WNT7A: variants seen among roughly 807,000 people sequenced by gnomAD.
The protein encoded by WNT7A is protein Wnt-7a.
WNT7A carries 16 observed loss-of-function variants against 28.2 expected under a neutral mutation model. That is an observed-to-expected ratio of 0.57 (90% confidence interval 0.38 to 0.86). The LOEUF (loss-of-function observed/expected upper bound fraction) is 0.86, where lower values mean the gene tolerates loss of function less well. Among genes scored for constraint, WNT7A ranks in the 40% least tolerant of loss-of-function variants. The probability of loss-of-function intolerance (pLI) is 0.00; values close to 1 mark genes in which losing one functional copy is unlikely to be tolerated. For missense variants in WNT7A, 411 were observed against 489.7 expected, an observed-to-expected ratio of 0.84 and a Z score of 1.52; for synonymous variants, 190 against 195.9, an observed-to-expected ratio of 0.97 and a Z score of 0.25.
chr3:13,868,117 G>C (rs1432607583), intron 2 of WNT7A, among the ~76,000 whole-genome samples: 2 of 152,154 alleles, frequency 1.3e-5, no homozygotes, highest in African/African-American at 4.8e-5. Flanking sequence ...GGGAGGGAGA[G>C]GCAGGGAAGA....
chr3:13,877,372 G>A (rs897411408), intron 1 of WNT7A, among the ~76,000 whole-genome samples: 6 of 152,252 alleles, frequency 3.9e-5, no homozygotes, highest in East Asian at 1.9e-4. Context: ...CGCTAAACCC[G>A]AGTCTAACAC....
chr3:13,866,566 G>C (rs1332455254), intron 2 of WNT7A, among the ~76,000 whole-genome samples: 4 of 152,216 alleles, frequency 2.6e-5, no homozygotes, highest in African/African-American at 9.6e-5. Flanking sequence ...ACACTAGAGA[G>C]GGGGTAATGA....
chr3:13,832,283 C>T (rs1229076879), intron 3 of WNT7A, among the ~76,000 whole-genome samples: 1 of 151,360 alleles, frequency 6.6e-6, no homozygotes, highest in Non-Finnish European at 1.5e-5. Context: ...CCTCCTCTTC[C>T]TCTGCAGGCT....
chr3:13,874,125 G>A (rs975125938), intron 2 of WNT7A, among the ~76,000 whole-genome samples: 13 of 152,206 alleles, frequency 8.5e-5, no homozygotes, highest in Non-Finnish European at 1.5e-4. Flanking sequence ...AGGAGGAGGC[G>A]GCAGGATACC....
At chr3:13,858,466 A>C (rs1694782436) in intron 2 of WNT7A, among the ~76,000 whole-genome samples, 1 of 152,126 alleles carries the variant, frequency 6.6e-6, no homozygotes, top group Non-Finnish European at 1.5e-5. Context: ...GATGGTGCAG[A>C]TGGTGAGAAA....
At chr3:13,869,545 AAAG>A in intron 2 of WNT7A, among the ~76,000 whole-genome samples, 1 of 150,178 alleles carries the variant, frequency 6.7e-6, no homozygotes, top group African/African-American at 2.4e-5. Flanking sequence ...AAGAAAGAAA[AAAG>A]AAAGAAAAGA....
Position 13,819,284 on chromosome 3 carries a change from T to G in WNT7A, c.710A>C (p.His237Pro), listed in dbSNP as rs1694072182. Reference sequence around the variant, plus strand: ...GCGGCTGGCACGCACAGGCTCCACGTGAACGGCCTCGTTGTACTTGTCCTT... The same window carrying G: ...GCGGCTGGCACGCACAGGCTCCACGGGAACGGCCTCGTTGTACTTGTCCTT... ...VLKDKYNEAV[H>P]VEPVRASRNK... The change falls in exon 4 of 4, where the codon CAC (histidine) becomes CCC (proline). Residue 237 changes from histidine to proline, a missense_variant. By Grantham distance (77) the His-to-Pro change is moderately conservative. Transcript: ENST00000285018. The G allele has an allele frequency of 6.2e-7, 1 of 1,614,174 alleles. No individual in the cohort carries two copies. The highest frequency in any genetic ancestry group is 8.5e-7 in the Non-Finnish European group (1 of 1,179,990).
intron 2 of WNT7A, among the ~76,000 whole-genome samples, chr3:13,859,187 C>A (rs1694791319): frequency 1.3e-5 from 2 of 152,208 alleles, no homozygotes; most frequent in South Asian, 4.1e-4. Flanking sequence ...GTATGTGAGG[C>A]TGATCCAGTG....
At chr3:13,844,971 C>T (rs9859297) in intron 3 of WNT7A, among the ~76,000 whole-genome samples, 3,117 of 152,294 alleles carry the variant, frequency 0.02, 116 homozygotes, top group African/African-American at 0.071. Flanking sequence ...CTCCCGAGGA[C>T]AAAGGCGGCA....
intron 1 of WNT7A, 96 bp from the exon 2 acceptor site, chr3:13,875,269 CCCCCA>C: frequency 2.3e-6 from 3 of 1,304,302 alleles, no homozygotes; most frequent in Non-Finnish European, 3.3e-6. Flanking sequence ...CACCCCACTG[CCCCCA>C]GCAGTGGTCT....
chr3:13,834,742 C>T (rs80207374), intron 3 of WNT7A, among the ~76,000 whole-genome samples: 2,280 of 152,284 alleles, frequency 0.015, 58 homozygotes, highest in African/African-American at 0.051. Context: ...CTATGAGGCT[C>T]TCCCTGACTT....
chr3:13,830,728 A>G (rs1473991161), intron 3 of WNT7A, among the ~76,000 whole-genome samples: 1 of 152,118 alleles, frequency 6.6e-6, no homozygotes, highest in African/African-American at 2.4e-5. Flanking sequence ...CCCAAGCCAC[A>G]CTTTCTCTAC....
chr3:13,825,919 C>G lies in WNT7A; in HGVS notation c.571-6496G>C, dbSNP rs373807818. ...GGGACCGGAAACTCCATCTCAGCCT[C>G]TGCTTCCAGAGAACCCCACCGGCCA... is the stretch of plus-strand genomic sequence containing the variant. On this transcript the variant is annotated intron_variant, in intron 3 of 3. Coordinates refer to ENST00000285018, the MANE Select transcript of WNT7A (RefSeq NM_004625.4). 6.6e-5 allele frequency among the ~76,000 whole-genome samples: 10 copies of G among 152,350 alleles called. No homozygotes were observed. In the South Asian group the frequency reaches 8.3e-4, roughly 13 times the overall value.
intron 2 of WNT7A, among the ~76,000 whole-genome samples, chr3:13,862,431 A>AT (rs201837013): frequency 1.8e-3 from 266 of 151,886 alleles, no homozygotes; most frequent in Middle Eastern, 3.4e-3. Flanking sequence ...AGTGCATTGT[A>AT]TTTTTTTTTC....
In WNT7A at chr3:13,818,821, G is replaced by C; in HGVS notation, c.*123C>G. ...CCACGGATGCCTGCAGGAAACCCAG[G>C]AAAAGTACCCTCCTCAGCAGAAAAG... On this transcript the variant is annotated 3_prime_UTR_variant, in exon 4 of 4. Coordinates refer to ENST00000285018, the MANE Select transcript of WNT7A (RefSeq NM_004625.4). 1 of 1,411,540 alleles carries C rather than the reference G, an allele frequency of 7.1e-7. No individual in the cohort carries two copies. Among genetic ancestry groups the C allele is most frequent in the East Asian group, 2.5e-5 (1 of 39,984 alleles). The allele number at this position is 1,411,540 out of a possible 1,614,324, so 87.4% of individuals were successfully genotyped here. A position where few individuals can be genotyped will look rare whatever the true frequency, so the allele number is the denominator to read the frequency against.
chr3:13,828,294 T>C (rs185620633), intron 3 of WNT7A, among the ~76,000 whole-genome samples: 1 of 152,168 alleles, frequency 6.6e-6, no homozygotes, highest in African/African-American at 2.4e-5. Flanking sequence ...GAGGATGGCA[T>C]CAACTAGGAA....
chr3:13,828,118 T>G (rs1694226863), intron 3 of WNT7A, among the ~76,000 whole-genome samples: 1 of 152,154 alleles, frequency 6.6e-6, no homozygotes, highest in Admixed American at 6.5e-5. Context: ...CACTGGTCAT[T>G]GCTAAGGATG....
chr3:13,865,301 G>T (rs560720995), intron 2 of WNT7A, among the ~76,000 whole-genome samples: 1 of 152,162 alleles, frequency 6.6e-6, no homozygotes, highest in African/African-American at 2.4e-5. Flanking sequence ...TTGTCCAAGG[G>T]AATGTCCTTT....
intron 3 of WNT7A, among the ~76,000 whole-genome samples, chr3:13,821,087 G>A (rs1457439042): frequency 6.6e-6 from 1 of 152,250 alleles, no homozygotes; most frequent in African/African-American, 2.4e-5. Context: ...TGAGGGGATA[G>A]TTCCCAAATC....
Sources: allele counts gnomAD v4.1 joint callset (sites outside exome capture counted in the v4.1 genomes callset), GRCh38; gene constraint gnomAD v4.1.1; transcripts MANE v1.5; gene names NCBI Gene and HGNC (gene_info 2026-07-23, HGNC 2026-07-21).